Variants in PTPRO observed in about 807,000 individuals in gnomAD.
PTPRO encodes protein tyrosine phosphatase receptor type O.
Under a neutral mutation model 145.2 loss-of-function variants are expected in PTPRO, and 62 were observed. That is an observed-to-expected ratio of 0.43 (90% CI 0.35 to 0.53). PTPRO has a LOEUF of 0.53. PTPRO is among the 20% of genes least tolerant of loss of function. The pLI, the probability that PTPRO is intolerant of heterozygous loss-of-function variation, is 0.01. For synonymous variants in PTPRO, 565 were observed against 514.7 expected (o/e 1.10, Z -1.32); for missense variants, 1,345 against 1,482.7 (o/e 0.91, Z 1.53).
intron 9 of PTPRO, among the ~76,000 whole-genome samples, chr12:15,519,770 T>G (rs1301352300): frequency 6.6e-6 from 1 of 152,200 alleles, no homozygotes; most frequent in Non-Finnish European, 1.5e-5. Context: ...CATGGGCTAT[T>G]CACAAAGTAC....
chr12:15,549,007 A>G (rs1053227352), intron 13 of PTPRO, 87 bp from the exon 14 acceptor site: 2 of 1,401,434 alleles, frequency 1.4e-6, no homozygotes, highest in Non-Finnish European at 1.0e-6. Flanking sequence ...TACTCTGTCA[A>G]TCTATTACCA....
intron 12 of PTPRO, among the ~76,000 whole-genome samples, chr12:15,545,848 A>T (rs1943273855): frequency 6.6e-6 from 1 of 152,060 alleles, no homozygotes; most frequent in South Asian, 2.1e-4. Flanking sequence ...AACTTGAGCA[A>T]CATGGCAAAA....
chr12:15,428,785 GA>G (rs1940352967), intron 1 of PTPRO, among the ~76,000 whole-genome samples: 1 of 152,088 alleles, frequency 6.6e-6, no homozygotes, highest in African/African-American at 2.4e-5. Context: ...CTCCATGCAG[GA>G]ATTCCATGTT....
At chr12:15,387,540 C>T (rs904867518) in intron 1 of PTPRO, among the ~76,000 whole-genome samples, 2 of 152,144 alleles carry the variant, frequency 1.3e-5, no homozygotes, top group Admixed American at 6.6e-5. Context: ...CAGTGAAGTC[C>T]TCCTTGATGT....
At chr12:15,555,390 T>C (rs1252909681) in intron 15 of PTPRO, among the ~76,000 whole-genome samples, 2 of 152,112 alleles carry the variant, frequency 1.3e-5, no homozygotes, top group East Asian at 1.9e-4. Flanking sequence ...AAGATAACAG[T>C]AAGCGACTGA....
At chr12:15,524,157 T>TAAAAAAA (rs34287474) in intron 10 of PTPRO, among the ~76,000 whole-genome samples, 1 of 129,120 alleles carries the variant, frequency 7.7e-6, no homozygotes, top group Admixed American at 7.8e-5. Flanking sequence ...GCTTCGTGGC[T>TAAAAAAA]AAAAAAAAAA....
chr12:15,428,708 C>T (rs1158044283), intron 1 of PTPRO, among the ~76,000 whole-genome samples: 2 of 152,178 alleles, frequency 1.3e-5, no homozygotes, highest in Middle Eastern at 3.4e-3. Context: ...ATAATGTAAG[C>T]GGTCATCCAA....
intron 1 of PTPRO, among the ~76,000 whole-genome samples, chr12:15,370,451 T>G (rs538586332): frequency 6.6e-6 from 1 of 152,324 alleles, no homozygotes; most frequent in African/African-American, 2.4e-5. Flanking sequence ...TAAAAGGAAC[T>G]ATGTGTGAAT....
chr12:15,516,652 A>G (rs1942605449), intron 8 of PTPRO, 111 bp from the exon 9 acceptor site: 4 of 912,000 alleles, frequency 4.4e-6, no homozygotes, highest in East Asian at 2.4e-5. Context: ...GGAGGGAGGT[A>G]GGTATTGTAT....
At chr12:15,360,778 GTA>G (rs1025817266) in intron 1 of PTPRO, among the ~76,000 whole-genome samples, 2 of 146,816 alleles carry the variant, frequency 1.4e-5, no homozygotes, top group East Asian at 2.0e-4. Context: ...ATATACGTGT[GTA>G]TATATGTGTG....
At chr12:15,360,887 C>CATGTGT (rs1460850832) in intron 1 of PTPRO, among the ~76,000 whole-genome samples, 2 of 106,268 alleles carry the variant, frequency 1.9e-5, no homozygotes, top group Non-Finnish European at 4.2e-5. Flanking sequence ...CACACATACA[C>CATGTGT]ATGTGTATAT....
chr12:15,556,932 T>C (rs1405116934), intron 15 of PTPRO, among the ~76,000 whole-genome samples: 1 of 152,224 alleles, frequency 6.6e-6, no homozygotes, highest in Non-Finnish European at 1.5e-5. Context: ...TAATTTGATT[T>C]GCAAACTTGC....
At chr12:15,424,488 G>A (rs935848221) in intron 1 of PTPRO, among the ~76,000 whole-genome samples, 2 of 151,948 alleles carry the variant, frequency 1.3e-5, no homozygotes, top group African/African-American at 4.8e-5. Context: ...TCTGCTATGT[G>A]CCAGTCCTAG....
intron 1 of PTPRO, among the ~76,000 whole-genome samples, chr12:15,403,058 T>C (rs1458167573): frequency 6.6e-6 from 1 of 152,232 alleles, no homozygotes; most frequent in East Asian, 1.9e-4. Flanking sequence ...CATAAACATT[T>C]GATTTCTTAT....
rs140315694 is a variant in PTPRO at position 15,497,479 on chromosome 12, T to A, written c.508+76T>A. 4.1e-6 allele frequency: 6 copies of A among 1,451,188 alleles called. No individual in the cohort carries two copies. The African/African-American group carries it at 5.6e-5, about 14-fold the overall frequency. The allele number at this position is 1,451,188 out of a possible 1,614,324, so 89.9% of individuals were successfully genotyped here. A position where few individuals can be genotyped will look rare whatever the true frequency, so the allele number is the denominator to read the frequency against. On this transcript the variant is annotated intron_variant, in intron 3 of 26. Coordinates refer to ENST00000281171, the MANE Select transcript of PTPRO (RefSeq NM_030667.3). ...AGCTTTTCCCAAATGATGTTCTCTC[T>A]TACTGCAAAGAGGTTTTATAATTCA...
chr12:15,450,184 A>G (rs1941009014), intron 1 of PTPRO, among the ~76,000 whole-genome samples: 1 of 152,232 alleles, frequency 6.6e-6, no homozygotes, highest in Non-Finnish European at 1.5e-5. Flanking sequence ...AGTGGCCTGC[A>G]TTCAGGAAAT....
intron 15 of PTPRO, among the ~76,000 whole-genome samples, chr12:15,557,095 C>G (rs1228883113): frequency 6.7e-6 from 1 of 149,910 alleles, no homozygotes. Context: ...GGCTGGAGTG[C>G]GGTGGCGCGA....
chr12:15,387,840 A>T (rs1425849044), intron 1 of PTPRO, among the ~76,000 whole-genome samples: 2 of 152,210 alleles, frequency 1.3e-5, no homozygotes, highest in African/African-American at 4.8e-5. Flanking sequence ...TCAAAAGTGT[A>T]TCTTCCCAAT....
chr12:15,468,148 T>C (rs78326481), intron 1 of PTPRO, among the ~76,000 whole-genome samples: 1,919 of 152,300 alleles, frequency 0.013, 18 homozygotes, highest in Non-Finnish European at 0.019. Context: ...CTTGCCTAGG[T>C]TCCTCAATTC....
Sources: gnomAD v4.1 joint callset for allele counts (sites outside exome capture counted in the v4.1 genomes callset) on GRCh38, gnomAD v4.1.1 for gene constraint, MANE v1.5 for transcripts, NCBI Gene and HGNC (gene_info 2026-07-23, HGNC 2026-07-21) for gene names.